GRAPL: variants seen among roughly 807,000 people sequenced by gnomAD.
The protein encoded by GRAPL is GRB2-related adapter protein-like.
intron 3 of GRAPL, among the ~76,000 whole-genome samples, chr17:19,151,954 A>G (rs1190986278): frequency 7.2e-6 from 1 of 138,814 alleles, no homozygotes; most frequent in Admixed American, 7.2e-5. Context: ...GCACAATCTC[A>G]GCTCACTGCA....
At position 19,149,056 on chromosome 17, in the gene GRAPL, G is replaced by A. The variant is rs1326569613; in HGVS notation, c.300-9263G>A. 1.8e-3 allele frequency among the ~76,000 whole-genome samples: 236 copies of A among 129,362 alleles called. 9 individuals are homozygous for A. The highest frequency in any genetic ancestry group is 6.3e-3 in the African/African-American group (223 of 35,242). The allele number at this position is 129,362 out of a possible 152,430, so 84.9% of individuals were successfully genotyped here. On this transcript the variant is annotated intron_variant, in intron 3 of 3. Transcript: ENST00000344415. ...GAGAGAGAAAAATCCGTGGCTGGGC[G>A]CAGTGGCTCACGCCTATAATCCCAG...
At chr17:19,147,051 G>GCA (rs2044699827) in intron 3 of GRAPL, among the ~76,000 whole-genome samples, 2 of 113,340 alleles carry the variant, frequency 1.8e-5, no homozygotes, top group Non-Finnish European at 3.3e-5. Flanking sequence ...GTGTGTGTGT[G>GCA]CGCGCGCGCG....
At position 19,148,962 on chromosome 17, in the gene GRAPL, G is replaced by A. The variant is rs1167331695; in HGVS notation, c.300-9357G>A. Among the ~76,000 whole-genome samples, 175 of 131,436 alleles carry A rather than the reference G, an allele frequency of 1.3e-3. 6 individuals are homozygous for A. The highest frequency in any genetic ancestry group is 4.7e-3 in the African/African-American group (170 of 35,890). 86.2% of individuals were successfully genotyped at this position (131,436 alleles called of 152,430 possible). ...GAAAGAGCAGGCTCTCTCCTCCGCT[G>A]GGCTAGAAGGTACTTGGGGCGATTT... On this transcript the variant is annotated intron_variant, in intron 3 of 3. Transcript: ENST00000344415.
intron 3 of GRAPL, among the ~76,000 whole-genome samples, chr17:19,144,791 CA>C (rs2044689608): frequency 1.0e-5 from 1 of 98,762 alleles, no homozygotes; most frequent in African/African-American, 4.1e-5. Context: ...GAAGTTCCCA[CA>C]GGCCTTGGGA....
At chr17:19,147,046 TGTG>T (rs2044698971) in intron 3 of GRAPL, among the ~76,000 whole-genome samples, 1 of 125,638 alleles carries the variant, frequency 8.0e-6, no homozygotes, top group Non-Finnish European at 1.5e-5. Flanking sequence ...TGTGTGTGTG[TGTG>T]TGCGCGCGCG....
intron 3 of GRAPL, chr17:19,144,301 T>C (rs1461803501): frequency 5.5e-6 from 2 of 363,900 alleles, no homozygotes; most frequent in Admixed American, 3.2e-5. Context: ...CTGCTGCTGC[T>C]GCTGCTGCCG....
intron 2 of GRAPL, among the ~76,000 whole-genome samples, chr17:19,133,656 TG>T (rs2044653070): frequency 6.6e-6 from 1 of 151,560 alleles, no homozygotes; most frequent in African/African-American, 2.4e-5. Flanking sequence ...TCAGAAGAGG[TG>T]GCAATGAGTG....
chr17:19,149,003 G>A (rs2044715260), intron 3 of GRAPL, among the ~76,000 whole-genome samples: 1 of 131,948 alleles, frequency 7.6e-6, no homozygotes, highest in East Asian at 3.0e-4. Context: ...TAGTGGGCTG[G>A]CTGGAAGGCT....
chr17:19,147,065 G>A lies in GRAPL; in HGVS notation c.299+8477G>A, dbSNP rs1348394492. 7.4e-5 allele frequency among the ~76,000 whole-genome samples: 10 copies of A among 134,242 alleles called. 1 individual carries two copies. The highest frequency in any genetic ancestry group is 1.5e-4 in the Non-Finnish European group (10 of 66,562). The allele number at this position is 134,242 out of a possible 152,430, so 88.1% of individuals were successfully genotyped here. The stretch of plus-strand genomic sequence containing the variant: ...TGTGTGTGTGTGCGCGCGCGCGCGC[G>A]TGCATGTGTCCCATCAAGGCATCAA... On this transcript the variant is annotated intron_variant, in intron 3 of 3. Coordinates refer to ENST00000344415, the MANE Select transcript of GRAPL (RefSeq NM_001129778.3).
At chr17:19,147,073 G>A (rs1297725128) in intron 3 of GRAPL, among the ~76,000 whole-genome samples, 1 of 140,290 alleles carries the variant, frequency 7.1e-6, no homozygotes, top group Non-Finnish European at 1.5e-5. Context: ...GCGTGCATGT[G>A]TCCCATCAAG....
At chr17:19,149,014 G>T (rs2044715492) in intron 3 of GRAPL, among the ~76,000 whole-genome samples, 1 of 131,744 alleles carries the variant, frequency 7.6e-6, no homozygotes, top group Non-Finnish European at 1.6e-5. Context: ...CTGGAAGGCT[G>T]GGCACAGACG....
intron 3 of GRAPL, chr17:19,143,985 T>C (rs1231128365): frequency 6.7e-4 from 14 of 20,824 alleles, no homozygotes; most frequent in African/African-American, 1.6e-3. Flanking sequence ...CCACCCTCCC[T>C]GAGCTCCAAA....
intron 3 of GRAPL, among the ~76,000 whole-genome samples, chr17:19,144,532 C>T (rs1373944876): frequency 2.8e-5 from 4 of 143,154 alleles, no homozygotes; most frequent in Non-Finnish European, 4.5e-5. Flanking sequence ...CACACACAGA[C>T]ACACACACAC....
chr17:19,141,664 A>ACC (rs769793729), intron 3 of GRAPL: 1 of 105,342 alleles, frequency 9.5e-6, no homozygotes, highest in Non-Finnish European at 1.9e-5. Context: ...CTCACCCCCC[A>ACC]CCCCCCCAGC....
intron 3 of GRAPL, among the ~76,000 whole-genome samples, chr17:19,149,356 AGAT>A (rs1469739151): frequency 5.2e-5 from 5 of 96,534 alleles, no homozygotes; most frequent in Admixed American, 1.2e-4. Flanking sequence ...AAAAAAAAAA[AGAT>A]AGCATCCACT....
intron 2 of GRAPL, among the ~76,000 whole-genome samples, chr17:19,134,095 T>TC (rs2044655582): frequency 2.8e-4 from 1 of 3,518 alleles, no homozygotes; most frequent in African/African-American, 6.5e-4. Flanking sequence ...ACTCCCAGCC[T>TC]CCCCCACAGA....
intron 3 of GRAPL, among the ~76,000 whole-genome samples, chr17:19,148,907 C>CAA (rs1177333542): frequency 0.012 from 967 of 78,582 alleles, 17 homozygotes; most frequent in Non-Finnish European, 0.019. Flanking sequence ...GACCACGCCT[C>CAA]AAAAAAAAAA....
chr17:19,149,826 T>C (rs2044724327), intron 3 of GRAPL, among the ~76,000 whole-genome samples: 1 of 90,536 alleles, frequency 1.1e-5, no homozygotes, highest in Non-Finnish European at 1.7e-5. Flanking sequence ...TCCCAGCACT[T>C]TGGGAGGCCG....
Sources: allele counts gnomAD v4.1 joint callset (sites outside exome capture counted in the v4.1 genomes callset), GRCh38; gene constraint gnomAD v4.1.1; transcripts MANE v1.5; gene names NCBI Gene and HGNC (gene_info 2026-07-23, HGNC 2026-07-21).